The following PCDHGC4 variants were observed in gnomAD, a reference collection of about 807,000 sequenced individuals.
PCDHGC4 encodes the protein protocadherin gamma-C4.
PCDHGC4 carries 15 observed loss-of-function variants against 59.7 expected under a neutral mutation model. The ratio of observed to expected loss-of-function variants is 0.25; its 90% confidence interval spans 0.17 to 0.39. The LOEUF is 0.39. PCDHGC4 is among the 10% of genes least tolerant of loss of function. PCDHGC4 has a pLI of 1.00. For missense variants in PCDHGC4, 1,016 were observed against 1,189.5 expected (o/e 0.85, Z 2.15); for synonymous variants, 434 against 481.4 (o/e 0.90, Z 1.29).
Position 141,491,410 on chromosome 5 carries a change from GA to G in PCDHGC4, c.2443-3396del. 1 of 1,614,142 alleles carries G rather than the reference GA, an allele frequency of 6.2e-7. No homozygotes were observed. The highest frequency in any genetic ancestry group is 8.5e-7 in the Non-Finnish European group (1 of 1,180,034). On this transcript the variant is annotated intron_variant, in intron 1 of 3. Coordinates refer to ENST00000306593, the MANE Select transcript of PCDHGC4 (RefSeq NM_018928.3). This position sits in a 1 kb window ranked among gnomAD's most constrained non-coding sequence, Gnocchi z 6.9. ...GTGCCTTCAGGGAAACGCAGACGGG[GA>G]CGGGGGTGGAGGGCAGTGCTGCAGG...
intron 2 of PCDHGC4, among the ~76,000 whole-genome samples, chr5:141,501,236 G>T (rs571684337): frequency 5.5e-4 from 83 of 150,782 alleles, no homozygotes; most frequent in African/African-American, 2.0e-3. Context: ...TCAGTTTTTT[G>T]AGCATGATGT....
chr5:141,508,979 G>A (rs1317798009), intron 3 of PCDHGC4, among the ~76,000 whole-genome samples: 1 of 152,110 alleles, frequency 6.6e-6, no homozygotes, highest in Non-Finnish European at 1.5e-5. Context: ...GCTGGGGGTG[G>A]GGGCCAGCTG....
intron 3 of PCDHGC4, among the ~76,000 whole-genome samples, chr5:141,509,686 G>A (rs1350812680): frequency 6.6e-6 from 1 of 152,212 alleles, no homozygotes; most frequent in Non-Finnish European, 1.5e-5. Flanking sequence ...CTTCTGTACA[G>A]TGGGACGTTG....
chr5:141,500,520 T>TA (rs2099801149), intron 2 of PCDHGC4, among the ~76,000 whole-genome samples: 2 of 152,312 alleles, frequency 1.3e-5, no homozygotes, highest in Admixed American at 1.3e-4. Flanking sequence ...AGCTTCATTT[T>TA]AAAAAAATCT....
At position 141,490,487 on chromosome 5, in the gene PCDHGC4, C is replaced by T. The variant is rs1398601464; in HGVS notation, c.2442+2872C>T. Reference sequence around the variant, plus strand: ...ACCAGCCAGCCTTTGGACCGGGAGGCCACATCCCACTATATCATCGAGCTG... The same window carrying T: ...ACCAGCCAGCCTTTGGACCGGGAGGTCACATCCCACTATATCATCGAGCTG... On this transcript the variant is annotated intron_variant, in intron 1 of 3. Coordinates refer to ENST00000306593, the MANE Select transcript of PCDHGC4 (RefSeq NM_018928.3). This position sits in a 1 kb window ranked among gnomAD's most constrained non-coding sequence, Gnocchi z 5.4. 4 of 1,614,000 alleles carry T rather than the reference C, an allele frequency of 2.5e-6. No homozygotes were observed. The highest frequency in any genetic ancestry group is 1.7e-5 in the Admixed American group (1 of 59,996).
At position 141,485,348 on chromosome 5, in the gene PCDHGC4, C is replaced by A; in HGVS notation, c.175C>A (p.Leu59Met). ...AQDFLLDTDSLSARRLQVAGE... is the reference protein window; with the variant it reads ...AQDFLLDTDSMSARRLQVAGE... ...AGATTTCCTGCTGGATACGGACAGT[C>A]TGTCAGCTCGCAGGCTGCAGGTCGC... The change falls in exon 1 of 4, where the codon CTG (leucine) becomes ATG (methionine). Residue 59 changes from leucine (L) to methionine (M), a missense_variant. Leu to Met is a conservative substitution (Grantham distance 15, BLOSUM62 2). Coordinates refer to ENST00000306593, the MANE Select transcript of PCDHGC4 (RefSeq NM_018928.3). This position sits in a 1 kb window ranked among gnomAD's most constrained non-coding sequence, Gnocchi z 5.7. 6.2e-7 allele frequency: 1 copy of A among 1,614,146 alleles called. No individual in the cohort carries two copies. Among genetic ancestry groups the A allele is most frequent in the Non-Finnish European group, 8.5e-7 (1 of 1,180,008 alleles).
intron 3 of PCDHGC4, chr5:141,507,285 C>T (rs80317708): frequency 2.7e-5 from 4 of 150,212 alleles, no homozygotes; most frequent in African/African-American, 7.4e-5. Flanking sequence ...ATAAGTCAGT[C>T]TCAAATGTTG....
chr5:141,489,254 C>T lies in PCDHGC4; in HGVS notation c.2442+1639C>T, dbSNP rs2099684538. 2 of 1,548,628 alleles carry T rather than the reference C, an allele frequency of 1.3e-6. No homozygotes were observed. Among genetic ancestry groups the T allele is most frequent in the African/African-American group, 1.4e-5 (1 of 73,008 alleles). ...GACTTCTGGGTCATGGGGCCCAAGA[C>T]ACTCCCACAGCTCGCTGGGAAATGG... is the stretch of plus-strand genomic sequence containing the variant. On this transcript the variant is annotated intron_variant, in intron 1 of 3. Transcript: ENST00000306593. This position sits in a 1 kb window ranked among gnomAD's most constrained non-coding sequence, Gnocchi z 4.5.
rs1456184444 is a variant in PCDHGC4, at chr5:141,512,578, C to G, written c.*1405C>G. ...ATAGACCTTCTTCTCCCACCCCCTT[C>G]TGCCCCTGGGTCCCCGGCCATCCAG... On this transcript the variant is annotated 3_prime_UTR_variant, in exon 4 of 4. Coordinates refer to ENST00000306593, the MANE Select transcript of PCDHGC4 (RefSeq NM_018928.3). The G allele has an allele frequency of 6.5e-6, 1 of 153,062 alleles. No individual in the cohort carries two copies. The highest frequency in any genetic ancestry group is 1.5e-5 in the Non-Finnish European group (1 of 68,534). 9.5% of individuals were successfully genotyped at this position (153,062 alleles called of 1,614,324 possible). A position where few individuals can be genotyped will look rare whatever the true frequency, so the allele number is the denominator to read the frequency against.
chr5:141,489,846 T>C lies in PCDHGC4; in HGVS notation c.2442+2231T>C. The C allele has an allele frequency of 6.2e-7, 1 of 1,614,190 alleles. No individual in the cohort carries two copies. The highest frequency in any genetic ancestry group is 1.1e-5 in the South Asian group (1 of 91,088). ...TGGTGCTAGAGCAGCAGCTGGATCG[T>C]GAAGCCCAGGCAAGACATCAGCTGG... is the stretch of plus-strand genomic sequence containing the variant. On this transcript the variant is annotated intron_variant, in intron 1 of 3. Coordinates refer to ENST00000306593, the MANE Select transcript of PCDHGC4 (RefSeq NM_018928.3). This position sits in a 1 kb window ranked among gnomAD's most constrained non-coding sequence, Gnocchi z 4.5.
intron 2 of PCDHGC4, among the ~76,000 whole-genome samples, chr5:141,499,800 C>A (rs2099794584): frequency 6.6e-6 from 1 of 150,704 alleles, no homozygotes; most frequent in Admixed American, 6.7e-5. Context: ...AATTCTCATG[C>A]TTCAGCCTCC....
At position 141,497,103 on chromosome 5, in the gene PCDHGC4, T is replaced by C. The variant is rs182534106; in HGVS notation, c.2501+2238T>C. On this transcript the variant is annotated intron_variant, in intron 2 of 3. Transcript: ENST00000306593. ...ACTTAGGAGGCTGAGGCAGAACTGC[T>C]TGAACCCGGAAGGCAGAGGTTGCAG... Among the ~76,000 whole-genome samples, 34 of 152,160 alleles carry C rather than the reference T, an allele frequency of 2.2e-4. 1 individual carries two copies. Among genetic ancestry groups the C allele is most frequent in the Admixed American group, 6.6e-4 (10 of 15,264 alleles).
Position 141,499,029 on chromosome 5 carries a change from A to AAGGAAGG in PCDHGC4, c.2501+4165_2501+4166insGGAAGGA, listed in dbSNP as rs1562187768. Among the ~76,000 whole-genome samples, 348 of 140,068 alleles carry AAGGAAGG rather than the reference A, an allele frequency of 2.5e-3. 2 individuals carry two copies. The highest frequency in any genetic ancestry group is 9.3e-3 in the African/African-American group (335 of 36,066). The allele number at this position is 140,068 out of a possible 152,430, so 91.9% of individuals were successfully genotyped here. ...GGAAGGAAGGAAGGAAGGAAGGAAG[A>AAGGAAGG]AAAGAAAGAAAAAGGGAGAAAAAAT... is the stretch of plus-strand genomic sequence containing the variant. On this transcript the variant is annotated intron_variant, in intron 2 of 3. Transcript: ENST00000306593.
chr5:141,511,358 G>T lies in PCDHGC4; in HGVS notation c.*185G>T, dbSNP rs905197337. 1.5e-6 allele frequency: 2 copies of T among 1,355,398 alleles called. No homozygotes were observed. Among genetic ancestry groups the T allele is most frequent in the East Asian group, 2.5e-5 (1 of 39,588 alleles). The allele number at this position is 1,355,398 out of a possible 1,614,324, so 84.0% of individuals were successfully genotyped here. ...GCACCTACCCCTTCCCCCCCAGGGGGTTGAATATGCAAAAGCAGTTCCGCT... is the reference window on the plus strand; with the variant it reads ...GCACCTACCCCTTCCCCCCCAGGGGTTTGAATATGCAAAAGCAGTTCCGCT... On this transcript the variant is annotated 3_prime_UTR_variant, in exon 4 of 4. Coordinates refer to ENST00000306593, the MANE Select transcript of PCDHGC4 (RefSeq NM_018928.3).
intron 1 of PCDHGC4, among the ~76,000 whole-genome samples, 197 bp from the exon 2 acceptor site, chr5:141,494,610 T>C (rs1428159953): frequency 6.6e-6 from 1 of 152,152 alleles, no homozygotes; most frequent in Non-Finnish European, 1.5e-5. Flanking sequence ...GATTTATCTC[T>C]TGGTTTCTGG....
intron 2 of PCDHGC4, among the ~76,000 whole-genome samples, chr5:141,497,264 A>G (rs2154592078): frequency 6.6e-6 from 1 of 152,258 alleles, no homozygotes; most frequent in East Asian, 1.9e-4. Flanking sequence ...GAGAAGTTCT[A>G]GGCCATTTAT....
In PCDHGC4 at chr5:141,491,797, G is replaced by T. The variant is rs537755017; in HGVS notation, c.2443-3010G>T. The stretch of plus-strand genomic sequence containing the variant: ...ATTGAACTTGCATCCACTCCTCTCC[G>T]GCCGGCTTGGTCGCTGGCTGCGCTC... On this transcript the variant is annotated intron_variant, in intron 1 of 3. Coordinates refer to ENST00000306593, the MANE Select transcript of PCDHGC4 (RefSeq NM_018928.3). The surrounding 1 kb of genome is among the most constrained non-coding windows in gnomAD (Gnocchi z 6.9). 2.0e-6 allele frequency: 3 copies of T among 1,506,818 alleles called. No homozygotes were observed. The highest frequency in any genetic ancestry group is 2.4e-5 in the Admixed American group (1 of 41,734). 93.3% of individuals were successfully genotyped at this position (1,506,818 alleles called of 1,614,324 possible). A position where few individuals can be genotyped will look rare whatever the true frequency, so the allele number is the denominator to read the frequency against.
Position 141,490,310 on chromosome 5 carries a change from A to G in PCDHGC4, c.2442+2695A>G. 2 of 1,614,082 alleles carry G rather than the reference A, an allele frequency of 1.2e-6. No homozygotes were observed. Among genetic ancestry groups the G allele is most frequent in the South Asian group, 2.2e-5 (2 of 91,078 alleles). ...GAGGTGCTATTGGCCTCTTTGGCCA[A>G]CCCTGTCCTAGAGAGCACACCAGTG... On this transcript the variant is annotated intron_variant, in intron 1 of 3. Transcript: ENST00000306593. The surrounding 1 kb of genome is among the most constrained non-coding windows in gnomAD (Gnocchi z 5.4).
chr5:141,487,356 C>T lies in PCDHGC4; in HGVS notation c.2183C>T (p.Ala728Val). 6.2e-7 allele frequency: 1 copy of T among 1,614,220 alleles called. No individual in the cohort carries two copies. The highest frequency in any genetic ancestry group is 8.5e-7 in the Non-Finnish European group (1 of 1,180,042). ...GAACGVTCFP[A>V]GTCACLTRSR... ...GCCTGTGGAGTCACATGCTTTCCTG[C>T]TGGCACCTGTGCCTGTCTCACCAGA... The change falls in exon 1 of 4, where the codon GCT becomes GTT. Residue 728 changes from alanine (A) to valine (V), a missense_variant. Transcript: ENST00000306593. This position sits in a 1 kb window ranked among gnomAD's most constrained non-coding sequence, Gnocchi z 5.0.
Sources: allele counts gnomAD v4.1 joint callset (sites outside exome capture counted in the v4.1 genomes callset), GRCh38; gene constraint gnomAD v4.1.1; non-coding constraint Gnocchi (gnomAD v3.1); transcripts MANE v1.5; gene names NCBI Gene and HGNC (gene_info 2026-07-23, HGNC 2026-07-21).